Variants in RALGPS1 observed in about 807,000 individuals in gnomAD.
The protein encoded by RALGPS1 is ras-specific guanine nucleotide-releasing factor RalGPS1.
RALGPS1 carries 19 observed loss-of-function variants against 78.8 expected under a neutral mutation model. The ratio of observed to expected loss-of-function variants is 0.24; its 90% confidence interval spans 0.17 to 0.35. The LOEUF (loss-of-function observed/expected upper bound fraction) is 0.35, where lower values mean the gene tolerates loss of function less well. RALGPS1 is among the 10% of genes least tolerant of loss of function. The pLI is 1.00. For synonymous variants in RALGPS1, 228 were observed against 256.3 expected, an observed-to-expected ratio of 0.89 and a Z score of 1.06; for missense variants, 454 against 688.3, an observed-to-expected ratio of 0.66 and a Z score of 3.81.
intron 4 of RALGPS1, among the ~76,000 whole-genome samples, chr9:126,979,755 G>A (rs1289214822): frequency 6.6e-6 from 1 of 152,200 alleles, no homozygotes; most frequent in East Asian, 1.9e-4. Context: ...TTCAAGTTGT[G>A]ACAAGACGTT....
chr9:127,103,426 T>C (rs1268464995), intron 8 of RALGPS1, among the ~76,000 whole-genome samples: 1 of 152,192 alleles, frequency 6.6e-6, no homozygotes, highest in Admixed American at 6.5e-5. Context: ...ATTTATACAG[T>C]CAGGGCTAAC....
intron 8 of RALGPS1, among the ~76,000 whole-genome samples, chr9:127,072,062 A>G (rs1589312317): frequency 6.6e-6 from 1 of 152,254 alleles, no homozygotes. Flanking sequence ...GAAATTTCAT[A>G]TAAATCCAAT....
At chr9:126,956,247 G>A (rs3120026) in intron 1 of RALGPS1, among the ~76,000 whole-genome samples, 7 of 152,030 alleles carry the variant, frequency 4.6e-5, no homozygotes, top group East Asian at 2.0e-4. Context: ...CTGTTCTCAG[G>A]GCGGGGCTAG....
chr9:127,020,410 T>C (rs2045330798), intron 4 of RALGPS1, among the ~76,000 whole-genome samples: 1 of 152,196 alleles, frequency 6.6e-6, no homozygotes, highest in Non-Finnish European at 1.5e-5. Context: ...TTAAGAAAGA[T>C]TGAACTGTGC....
At chr9:127,003,105 C>T (rs539575542) in intron 4 of RALGPS1, among the ~76,000 whole-genome samples, 89 of 152,242 alleles carry the variant, frequency 5.8e-4, no homozygotes, top group African/African-American at 2.0e-3. Flanking sequence ...CTCTCCAGCA[C>T]GAAAACCTAG....
intron 1 of RALGPS1, among the ~76,000 whole-genome samples, chr9:126,935,725 T>A (rs1483176052): frequency 1.3e-5 from 2 of 152,240 alleles, no homozygotes; most frequent in African/African-American, 4.8e-5. Flanking sequence ...GTCTTGGTTT[T>A]CTCACATGCT....
intron 8 of RALGPS1, among the ~76,000 whole-genome samples, chr9:127,135,638 G>A (rs1230396006): frequency 6.6e-6 from 1 of 152,222 alleles, no homozygotes; most frequent in East Asian, 1.9e-4. Flanking sequence ...CCCCACCACT[G>A]ATGGACAACC....
At position 127,168,667 on chromosome 9, in the gene RALGPS1, C is replaced by T. The variant is rs762106873; in HGVS notation, c.749-12C>T. The T allele has an allele frequency of 1.2e-5, 19 of 1,590,284 alleles. No homozygotes were observed. The highest frequency in any genetic ancestry group is 1.6e-5 in the Non-Finnish European group (18 of 1,158,560). On this transcript the variant is annotated splice_polypyrimidine_tract_variant and intron_variant, in intron 9 of 18. Transcript: ENST00000259351. ...GAGCCTAAAGTTTCTGGATGTGGTC[C>T]ACCTTTTGCAGATCACCTCACCACC...
Position 127,196,637 on chromosome 9 carries a change from C to A in RALGPS1, c.1195+6C>A, listed in dbSNP as rs372932149. ...CACCAATGGACTCTCCCTAGGTAAG[C>A]GTCTCCGGCCTGCACATGATAGGCT... On this transcript the variant is annotated splice_donor_region_variant and intron_variant, in intron 13 of 18. Coordinates refer to ENST00000259351, the MANE Select transcript of RALGPS1 (RefSeq NM_014636.3). 1.5e-5 allele frequency: 24 copies of A among 1,581,624 alleles called. No individual in the cohort carries two copies. Among genetic ancestry groups the A allele is most frequent in the Non-Finnish European group, 2.1e-5 (24 of 1,162,540 alleles).
chr9:127,077,341 A>G (rs1391367788), intron 8 of RALGPS1, among the ~76,000 whole-genome samples: 3 of 152,162 alleles, frequency 2.0e-5, no homozygotes, highest in Non-Finnish European at 2.9e-5. Flanking sequence ...CCTTGGAGAG[A>G]CCTAAAACAG....
At chr9:127,187,874 T>C (rs1057000578) in intron 11 of RALGPS1, among the ~76,000 whole-genome samples, 1 of 152,132 alleles carries the variant, frequency 6.6e-6, no homozygotes, top group African/African-American at 2.4e-5. Flanking sequence ...TGCAGCGCTT[T>C]GAGCAGAGTT....
chr9:126,992,291 T>C (rs2042347808), intron 4 of RALGPS1, among the ~76,000 whole-genome samples: 1 of 152,222 alleles, frequency 6.6e-6, no homozygotes, highest in South Asian at 2.1e-4. Context: ...ATGTAAACTA[T>C]GCATACTAAA....
rs114997869 is a variant in RALGPS1 at position 127,106,111 on chromosome 9, C to G, written c.610+36755C>G. On this transcript the variant is annotated intron_variant, in intron 8 of 18. Transcript: ENST00000259351. ...ATACTATGTATCTGCCAGCTTAGTT[C>G]AAGCCCAGGAATGTCCTGAAATGTT... 2.9e-3 allele frequency among the ~76,000 whole-genome samples: 438 copies of G among 152,334 alleles called. 1 individual carries two copies. The highest frequency in any genetic ancestry group is 0.01 in the African/African-American group (425 of 41,580).
intron 4 of RALGPS1, among the ~76,000 whole-genome samples, chr9:127,020,759 A>G (rs2045363862): frequency 6.6e-6 from 1 of 152,178 alleles, no homozygotes; most frequent in Non-Finnish European, 1.5e-5. Context: ...CCGGCCATGG[A>G]TGTGCTCTGT....
chr9:127,215,118 A>C (rs1464622741), intron 18 of RALGPS1, among the ~76,000 whole-genome samples: 1 of 152,208 alleles, frequency 6.6e-6, no homozygotes, highest in Non-Finnish European at 1.5e-5. Flanking sequence ...GATTATGAGC[A>C]GCTGTGATAT....
chr9:126,931,840 AAGAT>A (rs1228707692), intron 1 of RALGPS1, among the ~76,000 whole-genome samples: 6 of 152,274 alleles, frequency 3.9e-5, no homozygotes, highest in Non-Finnish European at 7.3e-5. Flanking sequence ...AAAAATAAGA[AAGAT>A]AGACAAAAAA....
At chr9:126,961,022 G>A (rs2038858652) in intron 1 of RALGPS1, among the ~76,000 whole-genome samples, 1 of 152,112 alleles carries the variant, frequency 6.6e-6, no homozygotes, top group Non-Finnish European at 1.5e-5. Context: ...AACTGCAGTT[G>A]GTTCCAGTCT....
chr9:126,987,971 C>T (rs184283254), intron 4 of RALGPS1, among the ~76,000 whole-genome samples: 1 of 152,236 alleles, frequency 6.6e-6, no homozygotes, highest in African/African-American at 2.4e-5. Flanking sequence ...ATAAGGAAGC[C>T]AGGAGAACGG....
intron 8 of RALGPS1, among the ~76,000 whole-genome samples, chr9:127,146,502 A>C (rs938510412): frequency 1.4e-5 from 2 of 146,310 alleles, no homozygotes; most frequent in Admixed American, 6.8e-5. Flanking sequence ...TGTTTTTGCT[A>C]TTGTGAATAG....
Sources: allele counts gnomAD v4.1 joint callset (sites outside exome capture counted in the v4.1 genomes callset), GRCh38; gene constraint gnomAD v4.1.1; transcripts MANE v1.5; gene names NCBI Gene and HGNC (gene_info 2026-07-23, HGNC 2026-07-21).